The following RAB8A variants were observed in gnomAD, a reference collection of about 807,000 sequenced individuals.
RAB8A encodes RAB8A, member RAS oncogene family, also known as ras-related protein Rab-8A.
Under a neutral mutation model 29.2 loss-of-function variants are expected in RAB8A, and 5 were observed. The observed-to-expected ratio is 0.17, with a 90% confidence interval of 0.09 to 0.36. The LOEUF is 0.36. Ranked by LOEUF, RAB8A falls within the 10% of genes least tolerant of loss-of-function variation. The pLI, the probability that RAB8A is intolerant of heterozygous loss-of-function variation, is 1.00. For synonymous variants in RAB8A, 108 were observed against 99.9 expected, an observed-to-expected ratio of 1.08 and a Z score of -0.49; for missense variants, 171 against 272.2, an observed-to-expected ratio of 0.63 and a Z score of 2.62.
rs765804120 is a variant in RAB8A, at chr19:16,121,828, G to A, written c.246+18G>A. ...GTGCAATGGTAGGGACTTTTTGTTT[G>A]GTTGTTTTTATCTGCTTTTTAAGTC... On this transcript the variant is annotated intron_variant, in intron 3 of 7. Transcript: ENST00000300935. 3 of 1,608,228 alleles carry A rather than the reference G, an allele frequency of 1.9e-6. No individual in the cohort carries two copies. The African/African-American group carries it at 4.0e-5, about 22-fold the overall frequency.
Position 16,111,925 on chromosome 19 carries a change from G to C in RAB8A, c.24G>C (p.Leu8=). 1 of 1,614,060 alleles carries C rather than the reference G, an allele frequency of 6.2e-7. No individual in the cohort carries two copies. Among genetic ancestry groups the C allele is most frequent in the South Asian group, 1.1e-5 (1 of 91,086 alleles). The change falls in exon 1 of 8, where the codon CTG becomes CTC. Residue 8 remains leucine, a synonymous_variant. Coordinates refer to ENST00000300935, the MANE Select transcript of RAB8A (RefSeq NM_005370.5). ...ATATGGCGAAGACCTACGATTACCT[G>C]TTCAAGCTGCTGCTGATCGGGGACT... MAKTYDY[L]FKLLLIGDSG...
Position 16,133,025 on chromosome 19 carries a change from G to T in RAB8A, c.*721G>T, listed in dbSNP as rs1425087464. The T allele has an allele frequency of 6.6e-6, 1 of 152,566 alleles. No individual in the cohort carries two copies. The highest frequency in any genetic ancestry group is 1.5e-5 in the Non-Finnish European group (1 of 68,064). The allele number at this position is 152,566 out of a possible 1,614,324, so 9.5% of individuals were successfully genotyped here. A position where few individuals can be genotyped will look rare whatever the true frequency, so the allele number is the denominator to read the frequency against. ...GGTCCCCATCGAGCATCAAGGGGAC[G>T]CTGTGTGTGCTGCAAGTGACCCCGA... On this transcript the variant is annotated 3_prime_UTR_variant, in exon 8 of 8. Transcript: ENST00000300935.
rs1355203401 is a variant in RAB8A at position 16,118,342 on chromosome 19, AG to A, written c.185+57del. The A allele has an allele frequency of 2.2e-5, 34 of 1,529,282 alleles. No individual in the cohort carries two copies. The Admixed American group carries it at 5.5e-4, about 25-fold the overall frequency. 94.7% of individuals were successfully genotyped at this position (1,529,282 alleles called of 1,614,324 possible). On this transcript the variant is annotated intron_variant, in intron 2 of 7. Coordinates refer to ENST00000300935, the MANE Select transcript of RAB8A (RefSeq NM_005370.5). ...CACCTGGCAATGGCTTCAAGCCAGAAGCCCTTGGCCTTCTCCCTCCACCGTC... is the reference window on the plus strand; with the variant it reads ...CACCTGGCAATGGCTTCAAGCCAGAACCCTTGGCCTTCTCCCTCCACCGTC...
chr19:16,129,917 T>C (rs2241400), intron 7 of RAB8A, among the ~76,000 whole-genome samples: 92,985 of 152,054 alleles, frequency 0.61, 28,930 homozygotes, highest in Admixed American at 0.69. Flanking sequence ...CAGAGAGCCA[T>C]GGCTCGGAGA....
Position 16,127,520 on chromosome 19 carries a change from A to G in RAB8A, c.408A>G (p.Gly136=). ...NDKRQVSKER[G]EKLALDYGIK... ...AGAGACAAGTTTCCAAGGAACGGGG[A>G]GAAAAGGTGGGCATGGTGGCACAAG... Residue 136 remains glycine, a synonymous_variant, in exon 5 of 8, where the codon GGA becomes GGG. Transcript: ENST00000300935. The surrounding 1 kb of genome is among the most constrained non-coding windows in gnomAD (Gnocchi z 4.8). 1 of 1,533,220 alleles carries G rather than the reference A, an allele frequency of 6.5e-7. No homozygotes were observed. Among genetic ancestry groups the G allele is most frequent in the Non-Finnish European group, 8.7e-7 (1 of 1,143,848 alleles). The allele number at this position is 1,533,220 out of a possible 1,614,324, so 95.0% of individuals were successfully genotyped here. A position where few individuals can be genotyped will look rare whatever the true frequency, so the allele number is the denominator to read the frequency against.
rs539951721 is a variant in RAB8A at position 16,122,208 on chromosome 19, C to G, written c.246+398C>G. ...AAGATCTTCCAGGAGCTGACCTGCCCTGGGCTGTCGGCCGTTATATCCGTC... is the reference window on the plus strand; with the variant it reads ...AAGATCTTCCAGGAGCTGACCTGCCGTGGGCTGTCGGCCGTTATATCCGTC... On this transcript the variant is annotated intron_variant, in intron 3 of 7. Transcript: ENST00000300935. The surrounding 1 kb of genome is among the most constrained non-coding windows in gnomAD (Gnocchi z 4.7). The G allele has an allele frequency of 4.7e-5, 8 of 170,572 alleles. No individual in the cohort carries two copies. The South Asian group carries it at 1.3e-3, about 28-fold the overall frequency. The allele number at this position is 170,572 out of a possible 1,614,324, so 10.6% of individuals were successfully genotyped here.
chr19:16,116,177 C>T (rs893188755), intron 1 of RAB8A, among the ~76,000 whole-genome samples: 7 of 152,274 alleles, frequency 4.6e-5, no homozygotes, highest in African/African-American at 1.7e-4. Flanking sequence ...AAAGAACTTT[C>T]CAGGGCAGGG....
Position 16,132,333 on chromosome 19 carries a change from C to G in RAB8A, c.*29C>G, listed in dbSNP as rs1452465619. 6.2e-7 allele frequency: 1 copy of G among 1,606,148 alleles called. No individual in the cohort carries two copies. The highest frequency in any genetic ancestry group is 1.8e-4 in the Middle Eastern group (1 of 5,562). ...ACACCGCCTTACTCTGAGCCTCGCT[C>G]AGCCCAGCTGACTGTGCCTGTTCTG... On this transcript the variant is annotated 3_prime_UTR_variant, in exon 8 of 8. Transcript: ENST00000300935. The surrounding 1 kb of genome is among the most constrained non-coding windows in gnomAD (Gnocchi z 5.6).
chr19:16,118,201 G>C, intron 1 of RAB8A, 25 bp from the exon 2 acceptor site: 1 of 1,598,948 alleles, frequency 6.3e-7, no homozygotes, highest in South Asian at 1.1e-5. Context: ...TGACAGTGAC[G>C]TGCCTTTTTT....
Position 16,127,928 on chromosome 19 carries a change from C to A in RAB8A, c.415-98C>A. The A allele has an allele frequency of 7.9e-7, 1 of 1,269,980 alleles. No individual in the cohort carries two copies. Among genetic ancestry groups the A allele is most frequent in the Non-Finnish European group, 1.1e-6 (1 of 871,710 alleles). 78.7% of individuals were successfully genotyped at this position (1,269,980 alleles called of 1,614,324 possible). A position where few individuals can be genotyped will look rare whatever the true frequency, so the allele number is the denominator to read the frequency against. On this transcript the variant is annotated intron_variant, in intron 5 of 7. Transcript: ENST00000300935. The surrounding 1 kb of genome is among the most constrained non-coding windows in gnomAD (Gnocchi z 4.8). ...CCACAGCCCCAGCCCTGTTGCTGCTCCCTCTTGGCGCCGGCCCTGCCTTCA... is the reference window on the plus strand; with the variant it reads ...CCACAGCCCCAGCCCTGTTGCTGCTACCTCTTGGCGCCGGCCCTGCCTTCA...
intron 1 of RAB8A, chr19:16,112,232 T>G: frequency 1.5e-6 from 1 of 646,732 alleles, no homozygotes; most frequent in South Asian, 1.9e-5. Context: ...ATTTTGCAGA[T>G]AGGGAGACTG....
chr19:16,125,458 C>A lies in RAB8A; in HGVS notation c.247-12C>A, dbSNP rs960954244. The A allele has an allele frequency of 3.7e-5, 59 of 1,613,028 alleles. No individual in the cohort carries two copies. Among genetic ancestry groups the A allele is most frequent in the Non-Finnish European group, 5.0e-5 (59 of 1,179,112 alleles). On this transcript the variant is annotated splice_polypyrimidine_tract_variant and intron_variant, in intron 3 of 7. Coordinates refer to ENST00000300935, the MANE Select transcript of RAB8A (RefSeq NM_005370.5). This position sits in a 1 kb window ranked among gnomAD's most constrained non-coding sequence, Gnocchi z 5.0. The stretch of plus-strand genomic sequence containing the variant: ...AGCCGATCAGGCACCTGTGTCTTCT[C>A]TCCCCGCGCAGGGCATCATGCTGGT...
intron 2 of RAB8A, 91 bp downstream of exon 2, chr19:16,118,377 C>G: frequency 8.2e-7 from 1 of 1,218,764 alleles, no homozygotes; most frequent in Non-Finnish European, 1.2e-6. Context: ...TCCCTGTGAC[C>G]TTGGCCTCCA....
Position 16,125,498 on chromosome 19 carries a change from A to G in RAB8A, c.275A>G (p.Asn92Ser). 6.2e-7 allele frequency: 1 copy of G among 1,614,088 alleles called. No homozygotes were observed. The highest frequency in any genetic ancestry group is 8.5e-7 in the Non-Finnish European group (1 of 1,179,966). ...MGIMLVYDITNEKSFDNIRNW... is the reference protein window; with the variant it reads ...MGIMLVYDITSEKSFDNIRNW... ...ATCATGCTGGTCTACGACATCACCA[A>G]CGAGAAGTCCTTCGACAACATCCGG... is the stretch of plus-strand genomic sequence containing the variant. The change falls in exon 4 of 8, where the codon AAC (asparagine) becomes AGC (serine). Residue 92 changes from asparagine (N) to serine (S), a missense_variant. Physicochemically the swap from Asn to Ser is conservative, Grantham distance 46. Transcript: ENST00000300935. This position sits in a 1 kb window ranked among gnomAD's most constrained non-coding sequence, Gnocchi z 5.0.
intron 4 of RAB8A, chr19:16,126,540 G>A (rs1054420227): frequency 6.6e-6 from 1 of 152,314 alleles, no homozygotes; most frequent in Non-Finnish European, 1.5e-5. Context: ...CAGGAAGCGT[G>A]GTCCGCTCCA....
At chr19:16,119,255 G>A (rs969792782) in intron 2 of RAB8A, among the ~76,000 whole-genome samples, 1 of 152,012 alleles carries the variant, frequency 6.6e-6, no homozygotes, top group African/African-American at 2.4e-5. Context: ...GCCTAGGCTG[G>A]AGTGCAATGG....
In RAB8A at chr19:16,129,622, C is replaced by T. The variant is rs761455641; in HGVS notation, c.531+18C>T. Reference sequence around the variant, plus strand: ...AAAAATTGGTGAGTGTGTGTCCTTCCGAGATCCCCGGGTGGATCTCTGGGA... The same window carrying T: ...AAAAATTGGTGAGTGTGTGTCCTTCTGAGATCCCCGGGTGGATCTCTGGGA... On this transcript the variant is annotated intron_variant, in intron 7 of 7. Coordinates refer to ENST00000300935, the MANE Select transcript of RAB8A (RefSeq NM_005370.5). The T allele has an allele frequency of 4.2e-5, 68 of 1,612,130 alleles. No individual in the cohort carries two copies. The Admixed American group carries it at 4.8e-4, about 11-fold the overall frequency.
chr19:16,121,817 A>C lies in RAB8A; in HGVS notation c.246+7A>C, dbSNP rs367632653. The C allele has an allele frequency of 8.7e-6, 14 of 1,612,062 alleles. No individual in the cohort carries two copies. In the African/African-American group the frequency reaches 1.3e-4, roughly 15 times the overall value. ...CTACTACAGGGGTGCAATGGTAGGG[A>C]CTTTTTGTTTGGTTGTTTTTATCTG... On this transcript the variant is annotated splice_region_variant and intron_variant, in intron 3 of 7. Transcript: ENST00000300935.
chr19:16,121,630 A>T, intron 2 of RAB8A, 120 bp from the exon 3 acceptor site: 1 of 825,802 alleles, frequency 1.2e-6, no homozygotes, highest in Non-Finnish European at 2.0e-6. Context: ...TTAGCAGAAG[A>T]AGGTATCACA....
Sources: allele counts gnomAD v4.1 joint callset (sites outside exome capture counted in the v4.1 genomes callset), GRCh38; gene constraint gnomAD v4.1.1; non-coding constraint Gnocchi (gnomAD v3.1); transcripts MANE v1.5; gene names NCBI Gene and HGNC (gene_info 2026-07-23, HGNC 2026-07-21).